MAP2K5: variants seen among roughly 807,000 people sequenced by gnomAD.
MAP2K5 encodes dual specificity mitogen-activated protein kinase kinase 5.
Under a neutral mutation model 83.1 loss-of-function variants are expected in MAP2K5, and 49 were observed. The observed-to-expected ratio is 0.59, with a 90% CI of 0.47 to 0.75. The LOEUF is 0.75. Ranked by LOEUF, MAP2K5 falls within the 30% of genes least tolerant of loss-of-function variation. The probability of loss-of-function intolerance (pLI) is 0.00; values close to 1 mark genes in which losing one functional copy is unlikely to be tolerated. For missense variants in MAP2K5, 457 were observed against 557.5 expected (o/e 0.82, Z 1.82); for synonymous variants, 202 against 191.8 (o/e 1.05, Z -0.44).
At chr15:67,582,557 TG>T (rs2085201961) in intron 4 of MAP2K5, among the ~76,000 whole-genome samples, 1 of 152,120 alleles carries the variant, frequency 6.6e-6, no homozygotes, top group African/African-American at 2.4e-5. Flanking sequence ...CAGTGGTTCA[TG>T]CCTGTAATCT....
At chr15:67,634,045 T>A (rs2086534335) in intron 9 of MAP2K5, among the ~76,000 whole-genome samples, 2 of 152,022 alleles carry the variant, frequency 1.3e-5, no homozygotes, top group South Asian at 4.1e-4. Flanking sequence ...GAATATGACC[T>A]ATTTTGGTAA....
In MAP2K5 at chr15:67,587,998, G is replaced by T. The variant is rs185869115; in HGVS notation, c.431+1085G>T. The T allele has an allele frequency of 3.7e-4, 199 of 540,408 alleles. 2 individuals are homozygous for T. In the Admixed American group the frequency reaches 9.4e-3, roughly 26 times the overall value. The allele number at this position is 540,408 out of a possible 1,614,324, so 33.5% of individuals were successfully genotyped here. ...CTGAGAGTCTACTCCCTCCGTTCTT[G>T]GCCCATTCAGCCCCTCCTCCACCCT... On this transcript the variant is annotated intron_variant, in intron 6 of 21. Transcript: ENST00000178640. The surrounding 1 kb of genome is among the most constrained non-coding windows in gnomAD (Gnocchi z 4.8).
intron 21 of MAP2K5, among the ~76,000 whole-genome samples, chr15:67,792,668 G>A (rs2090538325): frequency 6.6e-6 from 1 of 152,120 alleles, no homozygotes. Flanking sequence ...CCAAGATTAT[G>A]TCATTGGATG....
chr15:67,681,148 A>G (rs2087806065), intron 13 of MAP2K5, among the ~76,000 whole-genome samples: 1 of 152,214 alleles, frequency 6.6e-6, no homozygotes, highest in African/African-American at 2.4e-5. Flanking sequence ...GGCCCACTTC[A>G]TTCTCTTAAC....
intron 3 of MAP2K5, among the ~76,000 whole-genome samples, chr15:67,574,846 G>A (rs779138347): frequency 6.6e-6 from 1 of 152,124 alleles, no homozygotes; most frequent in Non-Finnish European, 1.5e-5. Context: ...CAGCCTGGGC[G>A]ACAGAGTGAG....
Position 67,738,048 on chromosome 15 carries a change from C to T in MAP2K5, c.1074+10103C>T, listed in dbSNP as rs1274185513. 2.0e-5 allele frequency among the ~76,000 whole-genome samples: 3 copies of T among 151,810 alleles called. No individual in the cohort carries two copies. Among genetic ancestry groups the T allele is most frequent in the African/African-American group, 4.8e-5 (2 of 41,288 alleles). ...TGTATTTTTAATAGAGATGAGATTT[C>T]GCCATGTTGGCCAGGCTGGTCTCGA... On this transcript the variant is annotated intron_variant, in intron 17 of 21. Transcript: ENST00000178640. This position sits in a 1 kb window ranked among gnomAD's most constrained non-coding sequence, Gnocchi z 4.1.
intron 17 of MAP2K5, among the ~76,000 whole-genome samples, chr15:67,739,279 CAAA>C (rs59837680): frequency 0.013 from 1,019 of 78,748 alleles, 10 homozygotes; most frequent in Non-Finnish European, 0.02. Context: ...GACCCTGTCT[CAAA>C]AAAAAAAAAA....
At position 67,769,077 on chromosome 15, in the gene MAP2K5, A is replaced by G. The variant is rs1458027443; in HGVS notation, c.1135-525A>G. On this transcript the variant is annotated intron_variant, in intron 19 of 21. Coordinates refer to ENST00000178640, the MANE Select transcript of MAP2K5 (RefSeq NM_145160.3). This position sits in a 1 kb window ranked among gnomAD's most constrained non-coding sequence, Gnocchi z 5.2. ...GGCTGAAATTCCTTTTCAGGAAACA[A>G]CTTCCCCTATAAAAGCCTTTCTATT... 6.7e-6 allele frequency among the ~76,000 whole-genome samples: 1 copy of G among 148,228 alleles called. No homozygotes were observed. Among genetic ancestry groups the G allele is most frequent in the African/African-American group, 2.5e-5 (1 of 39,958 alleles).
chr15:67,641,944 A>C (rs2086721162), intron 9 of MAP2K5, among the ~76,000 whole-genome samples: 1 of 152,226 alleles, frequency 6.6e-6, no homozygotes, highest in Admixed American at 6.5e-5. Context: ...AGTCTCCCAG[A>C]AAATAGAGAG....
In MAP2K5 at chr15:67,611,923, T is replaced by C. The variant is rs189156615; in HGVS notation, c.545+11174T>C. On this transcript the variant is annotated intron_variant, in intron 8 of 21. Coordinates refer to ENST00000178640, the MANE Select transcript of MAP2K5 (RefSeq NM_145160.3). ...ACATGTATCTTGTAGATGACCAATATGAACAAACAGCTGTCTCCCTTCCTC... is the reference window on the plus strand; with the variant it reads ...ACATGTATCTTGTAGATGACCAATACGAACAAACAGCTGTCTCCCTTCCTC... 3.1e-4 allele frequency among the ~76,000 whole-genome samples: 47 copies of C among 152,316 alleles called. No homozygotes were observed. The East Asian group carries it at 8.3e-3, about 27-fold the overall frequency.
chr15:67,598,589 G>C (rs1441590855), intron 7 of MAP2K5, among the ~76,000 whole-genome samples: 3 of 152,198 alleles, frequency 2.0e-5, no homozygotes, highest in Non-Finnish European at 4.4e-5. Flanking sequence ...AGGTTGGAGT[G>C]CTGGGAATGT....
rs146338809 is a variant in MAP2K5, at chr15:67,599,558, T to G, written c.481-1127T>G. 2.2e-3 allele frequency among the ~76,000 whole-genome samples: 329 copies of G among 152,266 alleles called. 1 individual carries two copies. The highest frequency in any genetic ancestry group is 7.6e-3 in the African/African-American group (314 of 41,552). Reference sequence around the variant, plus strand: ...TTATTCAATTGGTGGAAGTTTAGAGTAGAGCAAAATATTTAAAGCTTTGCT... The same window carrying G: ...TTATTCAATTGGTGGAAGTTTAGAGGAGAGCAAAATATTTAAAGCTTTGCT... On this transcript the variant is annotated intron_variant, in intron 7 of 21. Transcript: ENST00000178640.
intron 13 of MAP2K5, among the ~76,000 whole-genome samples, chr15:67,689,737 T>C (rs1358369121): frequency 6.6e-6 from 1 of 152,242 alleles, no homozygotes; most frequent in Non-Finnish European, 1.5e-5. Flanking sequence ...GTTGTTTTAT[T>C]ATTTTGTCTT....
chr15:67,624,333 C>T (rs544432014), intron 8 of MAP2K5, among the ~76,000 whole-genome samples: 1,121 of 90,026 alleles, frequency 0.012, 36 homozygotes, highest in Admixed American at 0.11. Context: ...AGCAAGACTC[C>T]GTCTCAAAAA....
At chr15:67,567,510 GC>G (rs1224167128) in intron 3 of MAP2K5, among the ~76,000 whole-genome samples, 2 of 151,778 alleles carry the variant, frequency 1.3e-5, no homozygotes, top group Non-Finnish European at 2.9e-5. Context: ...GACTACAGGC[GC>G]CCGCCACCGC....
At chr15:67,620,857 T>A (rs558517838) in intron 8 of MAP2K5, among the ~76,000 whole-genome samples, 1 of 152,134 alleles carries the variant, frequency 6.6e-6, no homozygotes, top group East Asian at 1.9e-4. Context: ...TCAAAACAAA[T>A]AGATGGAATA....
At chr15:67,713,953 T>C (rs1002775036) in intron 16 of MAP2K5, among the ~76,000 whole-genome samples, 2 of 152,212 alleles carry the variant, frequency 1.3e-5, no homozygotes, top group African/African-American at 4.8e-5. Context: ...ATCAGTGTGA[T>C]CTTAGCCAGT....
chr15:67,769,521 C>A lies in MAP2K5; in HGVS notation c.1135-81C>A. On this transcript the variant is annotated intron_variant, in intron 19 of 21. Transcript: ENST00000178640. The surrounding 1 kb of genome is among the most constrained non-coding windows in gnomAD (Gnocchi z 5.2). ...CATTGTATTCATCTTTATACTCATC[C>A]TTCACATGGGTGGGTGGGGAATATA... 2 of 1,232,216 alleles carry A rather than the reference C, an allele frequency of 1.6e-6. No homozygotes were observed. Among genetic ancestry groups the A allele is most frequent in the Non-Finnish European group, 2.4e-6 (2 of 837,244 alleles). The allele number at this position is 1,232,216 out of a possible 1,614,324, so 76.3% of individuals were successfully genotyped here. A position where few individuals can be genotyped will look rare whatever the true frequency, so the allele number is the denominator to read the frequency against.
chr15:67,704,869 C>T (rs2088511720), intron 16 of MAP2K5, among the ~76,000 whole-genome samples: 1 of 152,092 alleles, frequency 6.6e-6, no homozygotes, highest in African/African-American at 2.4e-5. Context: ...TAGTGTAAGA[C>T]AATTGAGAAG....
Sources: gnomAD v4.1 joint callset for allele counts (sites outside exome capture counted in the v4.1 genomes callset) on GRCh38, gnomAD v4.1.1 for gene constraint, Gnocchi (gnomAD v3.1) non-coding constraint, MANE v1.5 for transcripts, NCBI Gene and HGNC (gene_info 2026-07-23, HGNC 2026-07-21) for gene names.